LAMA2: variants seen among roughly 807,000 people sequenced by gnomAD.
LAMA2 encodes the protein laminin subunit alpha-2.
In LAMA2, 269 loss-of-function variants were observed where a neutral mutation model predicts 364.8. The ratio of observed to expected loss-of-function variants is 0.74; its 90% CI spans 0.67 to 0.82. LAMA2 has a LOEUF of 0.82. LAMA2 is among the 40% of genes least tolerant of loss of function. The pLI is 0.00. For synonymous variants in LAMA2, 1,379 were observed against 1,370.6 expected (o/e 1.01, Z -0.14); for missense variants, 3,807 against 3,873.2 (o/e 0.98, Z 0.45).
At chr6:129,123,179 G>A (rs1015437738) in intron 4 of LAMA2, among the ~76,000 whole-genome samples, 11 of 151,960 alleles carry the variant, frequency 7.2e-5, no homozygotes, top group African/African-American at 1.7e-4. Flanking sequence ...AGTGGTGCAC[G>A]TCTGTAATCC....
intron 1 of LAMA2, among the ~76,000 whole-genome samples, chr6:129,043,790 G>A (rs756421894): frequency 5.3e-5 from 8 of 151,762 alleles, no homozygotes; most frequent in African/African-American, 1.2e-4. Flanking sequence ...TTTTGTTGTC[G>A]CATCAGTTGG....
chr6:129,083,021 A>C (rs2114842649), intron 3 of LAMA2, among the ~76,000 whole-genome samples: 1 of 152,046 alleles, frequency 6.6e-6, no homozygotes, highest in Admixed American at 6.6e-5. Flanking sequence ...TTATCTTATA[A>C]AAAATAGTTA....
At chr6:129,324,952 A>T (rs1775184474) in intron 28 of LAMA2, among the ~76,000 whole-genome samples, 1 of 152,174 alleles carries the variant, frequency 6.6e-6, no homozygotes, top group Non-Finnish European at 1.5e-5. Context: ...TGAAACAGGA[A>T]TTAAACTCGG....
At chr6:129,454,313 ATAAT>A (rs752370752) in intron 47 of LAMA2, 25 bp downstream of exon 47, 7 of 1,584,966 alleles carry the variant, frequency 4.4e-6, no homozygotes, top group Non-Finnish European at 5.2e-6. Context: ...AAAGATTAAG[ATAAT>A]TAAATGATAG....
intron 8 of LAMA2, 63 bp from the exon 9 acceptor site, chr6:129,165,513 T>C: frequency 9.2e-7 from 1 of 1,088,152 alleles, no homozygotes; most frequent in Middle Eastern, 2.0e-4. Context: ...AAAAGTTTGC[T>C]GAAGTGAAAA....
At chr6:129,119,489 A>C (rs888537631) in intron 4 of LAMA2, among the ~76,000 whole-genome samples, 3 of 151,984 alleles carry the variant, frequency 2.0e-5, no homozygotes, top group Middle Eastern at 3.4e-3. Flanking sequence ...TGATAAGGGA[A>C]ATTGTAGGCT....
intron 9 of LAMA2, among the ~76,000 whole-genome samples, chr6:129,173,031 TC>T (rs1375090383): frequency 1.3e-5 from 2 of 152,198 alleles, no homozygotes; most frequent in Non-Finnish European, 2.9e-5. Context: ...CTGCTTCGGC[TC>T]GCGCAGGGTG....
intron 2 of LAMA2, among the ~76,000 whole-genome samples, chr6:129,059,068 C>CT (rs757343868): frequency 6.6e-6 from 1 of 152,156 alleles, no homozygotes; most frequent in Non-Finnish European, 1.5e-5. Context: ...TTAATGAAAA[C>CT]TTAAGCAAGA....
intron 8 of LAMA2, among the ~76,000 whole-genome samples, chr6:129,155,416 G>A (rs1321310055): frequency 2.0e-5 from 3 of 151,868 alleles, no homozygotes; most frequent in Non-Finnish European, 4.4e-5. Context: ...TATCTTTTTG[G>A]ATTTTAGTCA....
intron 3 of LAMA2, among the ~76,000 whole-genome samples, chr6:129,083,249 A>C (rs1266878277): frequency 6.6e-6 from 1 of 152,172 alleles, no homozygotes; most frequent in Non-Finnish European, 1.5e-5. Flanking sequence ...GTTATTTAAA[A>C]ATTAAATTGC....
intron 8 of LAMA2, among the ~76,000 whole-genome samples, chr6:129,163,867 T>C (rs1365503763): frequency 6.6e-6 from 1 of 152,232 alleles, no homozygotes; most frequent in Non-Finnish European, 1.5e-5. Flanking sequence ...GGAGTTCTTA[T>C]GTTCCTTACA....
chr6:129,200,183 T>A (rs137889532), intron 12 of LAMA2, among the ~76,000 whole-genome samples: 1 of 143,306 alleles, frequency 7.0e-6, no homozygotes, highest in African/African-American at 2.5e-5. Context: ...CACATATACA[T>A]GTGTATATAT....
At chr6:129,307,124 G>T (rs1773925525) in intron 22 of LAMA2, among the ~76,000 whole-genome samples, 1 of 152,188 alleles carries the variant, frequency 6.6e-6, no homozygotes, top group Non-Finnish European at 1.5e-5. Context: ...GGGTCACTTG[G>T]ATTCTTTTGA....
At chr6:129,168,788 T>A (rs1462598069) in intron 9 of LAMA2, among the ~76,000 whole-genome samples, 1 of 143,478 alleles carries the variant, frequency 7.0e-6, no homozygotes, top group African/African-American at 2.6e-5. Flanking sequence ...TGATTCTTCC[T>A]ACCCATGAGC....
At chr6:129,185,630 T>G (rs1781182868) in intron 10 of LAMA2, among the ~76,000 whole-genome samples, 1 of 151,594 alleles carries the variant, frequency 6.6e-6, no homozygotes, top group South Asian at 2.1e-4. Flanking sequence ...TCTGGAGTAT[T>G]AAAGTTTCAT....
intron 12 of LAMA2, among the ~76,000 whole-genome samples, chr6:129,210,239 A>T (rs554750769): frequency 1.3e-5 from 2 of 152,198 alleles, no homozygotes; most frequent in South Asian, 4.1e-4. Flanking sequence ...AAACAAAAAA[A>T]CCTGCAGTAT....
chr6:129,141,870 ATGTGTG>A (rs1397093834), intron 4 of LAMA2, among the ~76,000 whole-genome samples: 1 of 151,776 alleles, frequency 6.6e-6, no homozygotes, highest in Non-Finnish European at 1.5e-5. Context: ...TTGTGTGTGT[ATGTGTG>A]TGTGAGTGTG....
intron 1 of LAMA2, among the ~76,000 whole-genome samples, chr6:128,941,966 AC>A (rs1780188815): frequency 6.6e-6 from 1 of 152,196 alleles, no homozygotes; most frequent in African/African-American, 2.4e-5. Flanking sequence ...TTTAGATAAC[AC>A]TATCTAAATT....
At chr6:129,056,510 T>A (rs1045166906) in intron 2 of LAMA2, among the ~76,000 whole-genome samples, 2 of 152,122 alleles carry the variant, frequency 1.3e-5, no homozygotes, top group African/African-American at 2.4e-5. Context: ...AATTAAAAAA[T>A]TTACCAATAA....
Sources: allele counts gnomAD v4.1 joint callset (sites outside exome capture counted in the v4.1 genomes callset), GRCh38; gene constraint gnomAD v4.1.1; transcripts MANE v1.5; gene names NCBI Gene and HGNC (gene_info 2026-07-23, HGNC 2026-07-21).